The following FCGR2B variants were observed in gnomAD, a reference collection of about 807,000 sequenced individuals.
FCGR2B encodes the protein Fc gamma receptor IIb.
A neutral mutation model predicts 24.8 loss-of-function variants in FCGR2B; 18 were observed. The observed-to-expected ratio is 0.73, with a 90% CI of 0.50 to 1.08. The LOEUF (loss-of-function observed/expected upper bound fraction) is 1.08, where lower values mean the gene tolerates loss of function less well. FCGR2B is among the 50% of genes least tolerant of loss of function. FCGR2B has a pLI of 0.00. For synonymous variants in FCGR2B, 79 were observed against 109.8 expected (o/e 0.72, Z 1.75); for missense variants, 215 against 297.6 (o/e 0.72, Z 2.04).
the FCGR2B span, among the ~76,000 whole-genome samples, chr1:161,652,076 G>C: frequency 2.3e-5 from 3 of 130,876 alleles, no homozygotes; most frequent in East Asian, 6.1e-4. Flanking sequence ...GTGTGTGTGT[G>C]TGTGTGTGTG....
At chr1:161,654,474 T>C in the FCGR2B span, among the ~76,000 whole-genome samples, 1 of 136,206 alleles carries the variant, frequency 7.3e-6, no homozygotes, top group African/African-American at 2.5e-5. Context: ...ATTTGTTCCT[T>C]AGAAAAAAGG....
At chr1:161,653,071 T>C in the FCGR2B span, among the ~76,000 whole-genome samples, 42,382 of 130,348 alleles carry the variant, frequency 0.33, 11,279 homozygotes, top group Middle Eastern at 0.42. Flanking sequence ...GAGGTTTATC[T>C]GTTGTGAAAT....
At chr1:161,647,545 C>T in the FCGR2B span, among the ~76,000 whole-genome samples, 1 of 150,290 alleles carries the variant, frequency 6.7e-6, no homozygotes, top group Non-Finnish European at 1.5e-5. Flanking sequence ...AGGTGATTCC[C>T]CCCACCGCCT....
chr1:161,658,918 A>T (rs12141384), upstream of FCGR2B, among the ~76,000 whole-genome samples: 16,512 of 143,918 alleles, frequency 0.11, 17 homozygotes, highest in Non-Finnish European at 0.14. Flanking sequence ...TTATAACATT[A>T]ATCTGCCTTC....
the FCGR2B span, among the ~76,000 whole-genome samples, chr1:161,647,339 C>T: frequency 7.3e-6 from 1 of 136,486 alleles, no homozygotes. Flanking sequence ...TCGCTCTTGT[C>T]ACCCAGGCTG....
At chr1:161,655,030 A>G in the FCGR2B span, among the ~76,000 whole-genome samples, 2,942 of 142,260 alleles carry the variant, frequency 0.021, 8 homozygotes, top group African/African-American at 0.069. Flanking sequence ...TAATGAATTT[A>G]AGCACAGAAA....
chr1:161,675,058 G>T, intron 5 of FCGR2B, 199 bp from the exon 6 acceptor site: 2 of 538,044 alleles, frequency 3.7e-6, no homozygotes, highest in South Asian at 5.5e-5. Context: ...CCCCATGGGT[G>T]AGCTGAATTC....
chr1:161,677,659 C>A lies in FCGR2B; in HGVS notation c.*106C>A. 2 of 881,122 alleles carry A rather than the reference C, an allele frequency of 2.3e-6. No homozygotes were observed. The highest frequency in any genetic ancestry group is 3.6e-6 in the Non-Finnish European group (2 of 554,278). 54.6% of individuals were successfully genotyped at this position (881,122 alleles called of 1,614,324 possible). On this transcript the variant is annotated 3_prime_UTR_variant, in exon 8 of 8. Coordinates refer to ENST00000358671, the MANE Select transcript of FCGR2B (RefSeq NM_001394477.1). Reference sequence around the variant, plus strand: ...GGAGGACAGGGAGATGCTGCAGTTCCAAAAGAGAAGGTTTCTTCCAGAGTC... The same window carrying A: ...GGAGGACAGGGAGATGCTGCAGTTCAAAAAGAGAAGGTTTCTTCCAGAGTC...
intron 2 of FCGR2B, 124 bp from the exon 3 acceptor site, chr1:161,671,268 C>G: frequency 1.3e-6 from 2 of 1,508,342 alleles, no homozygotes; most frequent in Admixed American, 4.0e-5. Flanking sequence ...CAGAACCATT[C>G]TGGGCCTGGC....
At chr1:161,671,343 G>T (rs752939906) in intron 2 of FCGR2B, 49 bp from the exon 3 acceptor site, 2 of 1,613,822 alleles carry the variant, frequency 1.2e-6, no homozygotes, top group Admixed American at 3.3e-5. Flanking sequence ...GGCCTCTCAA[G>T]CTCCTGGGCT....
chr1:161,652,920 G>A, the FCGR2B span, among the ~76,000 whole-genome samples: 1 of 134,018 alleles, frequency 7.5e-6, no homozygotes, highest in Non-Finnish European at 1.7e-5. Context: ...CGGTATTCCC[G>A]GATGGTATTT....
chr1:161,671,890 C>A, intron 3 of FCGR2B: 1 of 720,010 alleles, frequency 1.4e-6, no homozygotes, highest in South Asian at 2.0e-5. Context: ...CTGCATAAAA[C>A]CCATTTCCAT....
intron 6 of FCGR2B, chr1:161,677,114 C>T (rs372341599): frequency 1.8e-6 from 1 of 569,956 alleles, no homozygotes; most frequent in Non-Finnish European, 3.1e-6. Context: ...TCCACTTTTT[C>T]ACCTTGGCCT....
intron 1 of FCGR2B, among the ~76,000 whole-genome samples, chr1:161,663,872 A>C (rs1356074587): frequency 6.6e-6 from 1 of 150,608 alleles, no homozygotes; most frequent in Non-Finnish European, 1.5e-5. Context: ...CCCTAGGCAG[A>C]AGCACAGGGA....
chr1:161,661,246 GAAAGAAAGAAAGAAAGGAAGGAAGC>G (rs1681058476), upstream of FCGR2B, among the ~76,000 whole-genome samples: 1 of 64,828 alleles, frequency 1.5e-5, no homozygotes, highest in African/African-American at 5.5e-5. Flanking sequence ...AAGAAAGAAA[GAAAGAAAGAAAGAAAGGAAGGAAGC>G]AAGAAAGGAA....
chr1:161,652,045 AGT>A, the FCGR2B span, among the ~76,000 whole-genome samples: 18,550 of 104,424 alleles, frequency 0.18, 3,480 homozygotes, highest in Middle Eastern at 0.33. Context: ...TATGTTTAGG[AGT>A]GTGTGTGTGT....
intron 6 of FCGR2B, chr1:161,677,113 TCACC>T (rs1445748994): frequency 1.7e-6 from 1 of 575,392 alleles, no homozygotes; most frequent in Non-Finnish European, 3.0e-6. Context: ...CTCCACTTTT[TCACC>T]TTGGCCTTTG....
At chr1:161,648,633 A>G in the FCGR2B span, among the ~76,000 whole-genome samples, 1 of 151,066 alleles carries the variant, frequency 6.6e-6, no homozygotes, top group African/African-American at 2.4e-5. Flanking sequence ...TATACCTATT[A>G]CAAATATTCC....
chr1:161,672,284 C>T (rs1245007062), intron 3 of FCGR2B: 1 of 156,708 alleles, frequency 6.4e-6, no homozygotes, highest in African/African-American at 2.4e-5. Context: ...AGGTGGCTCT[C>T]TGTAAAGCAA....
Sources: gnomAD v4.1 joint callset for allele counts (sites outside exome capture counted in the v4.1 genomes callset) on GRCh38, gnomAD v4.1.1 for gene constraint, MANE v1.5 for transcripts, NCBI Gene and HGNC (gene_info 2026-07-23, HGNC 2026-07-21) for gene names.